The following ZFPM2 variants were observed in gnomAD, a reference collection of about 807,000 sequenced individuals.
ZFPM2 encodes zinc finger protein ZFPM2.
In ZFPM2, 20 loss-of-function variants were observed where a neutral mutation model predicts 98.6. The observed-to-expected ratio is 0.20, with a 90% confidence interval of 0.14 to 0.29. ZFPM2 has a LOEUF of 0.29. Among genes scored for constraint, ZFPM2 ranks in the 10% least tolerant of loss-of-function variants. The pLI is 1.00. For synonymous variants in ZFPM2, 518 were observed against 502.7 expected, an observed-to-expected ratio of 1.03 and a Z score of -0.41; for missense variants, 1,310 against 1,388.6, an observed-to-expected ratio of 0.94 and a Z score of 0.90.
At chr8:105,493,752 CAT>C (rs1491244804) in intron 3 of ZFPM2, among the ~76,000 whole-genome samples, 5 of 152,156 alleles carry the variant, frequency 3.3e-5, no homozygotes, top group Non-Finnish European at 5.9e-5. Context: ...TGTCCACTGA[CAT>C]ATCTTATGTT....
chr8:105,456,996 A>C (rs1812606486), intron 3 of ZFPM2, among the ~76,000 whole-genome samples: 1 of 152,214 alleles, frequency 6.6e-6, no homozygotes, highest in Non-Finnish European at 1.5e-5. Context: ...TTTGTCTCTC[A>C]ATAACTTTGG....
chr8:105,632,509 G>GT (rs1362715212), intron 4 of ZFPM2, among the ~76,000 whole-genome samples: 1 of 152,124 alleles, frequency 6.6e-6, no homozygotes, highest in Non-Finnish European at 1.5e-5. Context: ...CAGTCTGATA[G>GT]TAAAAGGAGA....
At chr8:105,707,241 CAAAAAA>C (rs113671142) in intron 5 of ZFPM2, among the ~76,000 whole-genome samples, 1 of 117,130 alleles carries the variant, frequency 8.5e-6, no homozygotes, top group African/African-American at 3.2e-5. Flanking sequence ...GACTTTGTCT[CAAAAAA>C]AAAAAAAAGA....
At chr8:105,421,580 G>A (rs922836033) in intron 2 of ZFPM2, among the ~76,000 whole-genome samples, 2 of 152,140 alleles carry the variant, frequency 1.3e-5, no homozygotes, top group African/African-American at 2.4e-5. Context: ...TTCATCCCTT[G>A]AGGTCATGCA....
intron 3 of ZFPM2, among the ~76,000 whole-genome samples, chr8:105,464,640 T>A (rs1432833887): frequency 6.6e-6 from 1 of 151,912 alleles, no homozygotes; most frequent in Non-Finnish European, 1.5e-5. Context: ...AGGGATTTAA[T>A]GGTGGGGTGG....
chr8:105,434,662 T>A (rs898836920), intron 2 of ZFPM2, among the ~76,000 whole-genome samples: 7 of 152,228 alleles, frequency 4.6e-5, no homozygotes, highest in African/African-American at 1.7e-4. Context: ...TCTGAACTGT[T>A]CATTGTTAAA....
intron 3 of ZFPM2, among the ~76,000 whole-genome samples, chr8:105,555,709 A>T (rs923394523): frequency 9.2e-5 from 14 of 152,188 alleles, no homozygotes; most frequent in Non-Finnish European, 2.1e-4. Context: ...ATGATATTGG[A>T]CTATAAATGC....
At chr8:105,552,583 G>A (rs1288741511) in intron 3 of ZFPM2, among the ~76,000 whole-genome samples, 3 of 152,078 alleles carry the variant, frequency 2.0e-5, no homozygotes, top group Non-Finnish European at 2.9e-5. Flanking sequence ...TGACTTTTCC[G>A]AACATTTGCA....
chr8:105,713,998 G>A (rs538827183), intron 5 of ZFPM2, among the ~76,000 whole-genome samples: 1 of 152,028 alleles, frequency 6.6e-6, no homozygotes, highest in Non-Finnish European at 1.5e-5. Flanking sequence ...TGTGAAAAAT[G>A]ACATGGAAAA....
At chr8:105,629,290 C>CT (rs1420692881) in intron 4 of ZFPM2, among the ~76,000 whole-genome samples, 2 of 152,180 alleles carry the variant, frequency 1.3e-5, no homozygotes, top group Non-Finnish European at 2.9e-5. Context: ...GTTGCGAGTC[C>CT]TGTGAAGGGG....
intron 3 of ZFPM2, among the ~76,000 whole-genome samples, chr8:105,546,939 G>A (rs1354555607): frequency 6.6e-6 from 1 of 151,990 alleles, no homozygotes; most frequent in Non-Finnish European, 1.5e-5. Flanking sequence ...TACATATACA[G>A]TTCTTTTCCA....
rs1563606929 is a variant in ZFPM2, at chr8:105,330,616, A to ATATATATACG, written c.40+11643_40+11644insCGTATATATA. On this transcript the variant is annotated intron_variant, in intron 1 of 7. Coordinates refer to ENST00000407775, the MANE Select transcript of ZFPM2 (RefSeq NM_012082.4). ...TATACATATATATATATATACACAT[A>ATATATATACG]TATATATATATATATACATATATAT... Among the ~76,000 whole-genome samples, 458 of 59,650 alleles carry ATATATATACG rather than the reference A, an allele frequency of 7.7e-3. 18 individuals are homozygous for ATATATATACG. The highest frequency in any genetic ancestry group is 0.041 in the African/African-American group (417 of 10,288). The allele number at this position is 59,650 out of a possible 152,430, so 39.1% of individuals were successfully genotyped here. A position where few individuals can be genotyped will look rare whatever the true frequency, so the allele number is the denominator to read the frequency against.
intron 5 of ZFPM2, among the ~76,000 whole-genome samples, chr8:105,712,937 G>T (rs1811438371): frequency 6.6e-6 from 1 of 151,892 alleles, no homozygotes; most frequent in Admixed American, 6.6e-5. Context: ...ATTCACCACA[G>T]ATAGGCTCTT....
intron 5 of ZFPM2, among the ~76,000 whole-genome samples, chr8:105,777,396 T>C (rs550747231): frequency 4.5e-4 from 68 of 152,348 alleles, no homozygotes; most frequent in African/African-American, 1.6e-3. Flanking sequence ...TGTCCATTCC[T>C]CTTGATTGGA....
intron 5 of ZFPM2, among the ~76,000 whole-genome samples, chr8:105,755,584 A>C (rs1215932158): frequency 3.3e-5 from 5 of 152,160 alleles, no homozygotes; most frequent in Non-Finnish European, 7.4e-5. Context: ...CTTAATCTTT[A>C]TAGGAAGAAC....
chr8:105,470,607 G>A (rs999525763), intron 3 of ZFPM2, among the ~76,000 whole-genome samples: 2 of 152,026 alleles, frequency 1.3e-5, no homozygotes, highest in Non-Finnish European at 2.9e-5. Context: ...GCGAAACCTT[G>A]TCTCTATTTA....
intron 1 of ZFPM2, among the ~76,000 whole-genome samples, chr8:105,331,243 T>G (rs1430444891): frequency 1.3e-5 from 2 of 151,026 alleles, no homozygotes; most frequent in Non-Finnish European, 3.0e-5. Flanking sequence ...TTCTTACAAA[T>G]GGAAAAAAAG....
intron 4 of ZFPM2, among the ~76,000 whole-genome samples, chr8:105,613,060 T>C (rs1304349576): frequency 2.0e-5 from 3 of 152,220 alleles, no homozygotes; most frequent in Non-Finnish European, 1.5e-5. Flanking sequence ...TCTTGTTGAT[T>C]GGTTTATTTG....
intron 2 of ZFPM2, among the ~76,000 whole-genome samples, chr8:105,427,760 T>C (rs1028594909): frequency 2.6e-5 from 4 of 152,218 alleles, no homozygotes; most frequent in Non-Finnish European, 5.9e-5. Flanking sequence ...TAACTGAATA[T>C]GTTGCACCAA....
Sources: gnomAD v4.1 joint callset for allele counts (sites outside exome capture counted in the v4.1 genomes callset) on GRCh38, gnomAD v4.1.1 for gene constraint, MANE v1.5 for transcripts, NCBI Gene and HGNC (gene_info 2026-07-23, HGNC 2026-07-21) for gene names.